The following SPADH variants were observed in gnomAD, a reference collection of about 807,000 sequenced individuals.
SPADH encodes the protein CUB domain-containing protein.
At chr10:122,678,596 AAC>A in the SPADH span, among the ~76,000 whole-genome samples, 10 of 152,174 alleles carry the variant, frequency 6.6e-5, no homozygotes. Context: ...AAGACATGGA[AAC>A]CATGAGACTG....
the SPADH span, among the ~76,000 whole-genome samples, chr10:122,673,960 AACAGCTT>A: frequency 1.3e-5 from 2 of 152,208 alleles, no homozygotes; most frequent in African/African-American, 2.4e-5. Flanking sequence ...CAACTCAGAT[AACAGCTT>A]ACAGCTTCTG....
chr10:122,674,041 G>T, the SPADH span, among the ~76,000 whole-genome samples: 1 of 152,220 alleles, frequency 6.6e-6, no homozygotes, highest in African/African-American at 2.4e-5. Context: ...CAGCTTGGTG[G>T]AAAAATTTAA....
the SPADH span, among the ~76,000 whole-genome samples, chr10:122,673,084 G>A: frequency 6.6e-6 from 1 of 152,232 alleles, no homozygotes; most frequent in African/African-American, 2.4e-5. Context: ...TAGTGCTGGT[G>A]GAAGAAGAGA....
At chr10:122,678,800 TG>T in the SPADH span, 23 of 650,274 alleles carry the variant, frequency 3.5e-5, no homozygotes, top group Non-Finnish European at 4.4e-5. Flanking sequence ...GCAGCCTGGC[TG>T]GAGGACAAAT....
chr10:122,677,005 C>A, the SPADH span: 2 of 707,870 alleles, frequency 2.8e-6, no homozygotes, highest in Non-Finnish European at 3.5e-6. Flanking sequence ...ATTTGACACA[C>A]AATTTGACGA....
chr10:122,673,769 C>T, the SPADH span, among the ~76,000 whole-genome samples: 1 of 152,142 alleles, frequency 6.6e-6, no homozygotes, highest in East Asian at 1.9e-4. Context: ...TTGCCCTTGC[C>T]GGGTCCTTTC....
the SPADH span, chr10:122,679,174 A>T: frequency 1.5e-4 from 36 of 237,958 alleles, no homozygotes; most frequent in Middle Eastern, 2.1e-3. Context: ...GTTCTCCTGG[A>T]TCAGCATTGG....
chr10:122,678,601 T>C, the SPADH span, among the ~76,000 whole-genome samples: 1 of 152,142 alleles, frequency 6.6e-6, no homozygotes, highest in African/African-American at 2.4e-5. Flanking sequence ...ATGGAAACCA[T>C]GAGACTGGGA....
chr10:122,672,865 G>A, the SPADH span: 2 of 985,280 alleles, frequency 2.0e-6, no homozygotes, highest in Non-Finnish European at 2.4e-6. Context: ...TGAGGTTGGT[G>A]CCAGGCCCTG....
the SPADH span, chr10:122,675,529 T>G: frequency 1.8e-5 from 4 of 227,174 alleles, no homozygotes; most frequent in Non-Finnish European, 2.9e-5. Context: ...CTCAGCTCTG[T>G]CCCTTTGCAC....
chr10:122,679,296 T>G, the SPADH span, among the ~76,000 whole-genome samples: 1 of 152,130 alleles, frequency 6.6e-6, no homozygotes, highest in Admixed American at 6.5e-5. Flanking sequence ...TGTGAAAACT[T>G]TATCTTTCCT....
chr10:122,673,967 T>C, the SPADH span, among the ~76,000 whole-genome samples: 1 of 152,200 alleles, frequency 6.6e-6, no homozygotes, highest in African/African-American at 2.4e-5. Context: ...GATAACAGCT[T>C]ACAGCTTCTG....
At chr10:122,675,008 G>C in the SPADH span, among the ~76,000 whole-genome samples, 36 of 152,348 alleles carry the variant, frequency 2.4e-4, 1 homozygote, top group South Asian at 6.2e-3. Flanking sequence ...TGGGACGTAT[G>C]AGATTGTGTG....
the SPADH span, chr10:122,676,864 T>C: frequency 1.0e-6 from 1 of 985,316 alleles, no homozygotes; most frequent in Non-Finnish European, 1.2e-6. Context: ...CCCGGGGAGA[T>C]AGTCACGGTG....
chr10:122,676,879 T>C, the SPADH span: 6 of 985,348 alleles, frequency 6.1e-6, no homozygotes, highest in Non-Finnish European at 6.0e-6. Context: ...ACGGTGGCCA[T>C]TCCAGACCTC....
the SPADH span, among the ~76,000 whole-genome samples, chr10:122,675,924 C>T: frequency 6.6e-6 from 1 of 152,216 alleles, no homozygotes; most frequent in Non-Finnish European, 1.5e-5. Context: ...GCCCTCCTGT[C>T]TGACCAGCCT....
the SPADH span, chr10:122,678,987 C>A: frequency 2.0e-6 from 2 of 985,138 alleles, no homozygotes; most frequent in African/African-American, 3.5e-5. Flanking sequence ...TCCAGAGAAC[C>A]CAGTCATCCA....
chr10:122,675,327 G>C, the SPADH span, among the ~76,000 whole-genome samples: 1 of 152,176 alleles, frequency 6.6e-6, no homozygotes, highest in Non-Finnish European at 1.5e-5. Flanking sequence ...CATGGCTCCA[G>C]AGTGAGACAA....
chr10:122,673,996 T>G, the SPADH span, among the ~76,000 whole-genome samples: 2 of 152,232 alleles, frequency 1.3e-5, no homozygotes, highest in East Asian at 3.8e-4. Flanking sequence ...AGGGCTACAG[T>G]GAGGCCTTAG....
Sources: allele counts gnomAD v4.1 joint callset (sites outside exome capture counted in the v4.1 genomes callset), GRCh38; gene constraint gnomAD v4.1.1; transcripts MANE v1.5; gene names NCBI Gene and HGNC (gene_info 2026-07-23, HGNC 2026-07-21).